STEAP3: variants seen among roughly 807,000 people sequenced by gnomAD.
The protein encoded by STEAP3 is metalloreductase STEAP3.
Under a neutral mutation model 34.9 loss-of-function variants are expected in STEAP3, and 35 were observed. The ratio of observed to expected loss-of-function variants is 1.00; its 90% CI spans 0.76 to 1.33. The LOEUF is 1.33. Ranked by LOEUF, STEAP3 falls within the 40% of genes most tolerant of loss-of-function variation. The probability of loss-of-function intolerance (pLI) is 0.00; values close to 1 mark genes in which losing one functional copy is unlikely to be tolerated. For missense variants in STEAP3, 652 were observed against 667.6 expected (o/e 0.98, Z 0.26); for synonymous variants, 281 against 301.6 (o/e 0.93, Z 0.71).
intron 2 of STEAP3, among the ~76,000 whole-genome samples, chr2:119,239,655 ACT>A (rs1677188450): frequency 1.3e-5 from 2 of 151,892 alleles, no homozygotes; most frequent in African/African-American, 4.8e-5. Flanking sequence ...TCTTGGGCTC[ACT>A]CTCAATTCGT....
At chr2:119,248,308 C>T in intron 4 of STEAP3, 102 bp downstream of exon 4, 1 of 1,354,166 alleles carries the variant, frequency 7.4e-7, no homozygotes, top group Non-Finnish European at 9.9e-7. Context: ...ACGGGTGCAG[C>T]CTTACCAGGT....
intron 2 of STEAP3, among the ~76,000 whole-genome samples, chr2:119,242,497 G>A (rs932073265): frequency 1.3e-5 from 2 of 152,188 alleles, no homozygotes; most frequent in Admixed American, 6.5e-5. Context: ...CTCCTGGGCT[G>A]ACATAACTGT....
chr2:119,248,135 GC>G lies in STEAP3; in HGVS notation c.982del (p.Leu328SerfsTer59). The G allele has an allele frequency of 6.2e-7, 1 of 1,608,102 alleles. No homozygotes were observed. On this transcript the variant is annotated frameshift_variant, in exon 4 of 6. Coordinates refer to ENST00000393110, the MANE Select transcript of STEAP3 (RefSeq NM_182915.3). LOFTEE classifies it high-confidence loss of function. ...CAGCTTCTTCTGCGCCGCCCTGCACGCCCTCTACAGCTTCTGCTTGCCGCTG... is the reference window on the plus strand; with the variant it reads ...CAGCTTCTTCTGCGCCGCCCTGCACGCCTCTACAGCTTCTGCTTGCCGCTG... ...LLSFFCAALH[A>X]LYSFCLPLRR...
chr2:119,252,465 G>T (rs1677653516), intron 4 of STEAP3, among the ~76,000 whole-genome samples: 1 of 152,240 alleles, frequency 6.6e-6, no homozygotes, highest in Non-Finnish European at 1.5e-5. Context: ...GACATGGAGA[G>T]GGGCTAATGC....
chr2:119,225,366 C>T (rs534588220), intron 1 of STEAP3, among the ~76,000 whole-genome samples: 10 of 152,302 alleles, frequency 6.6e-5, no homozygotes, highest in East Asian at 3.9e-4. Context: ...CCAGGCAATC[C>T]GGCAGCAGGT....
intron 5 of STEAP3, among the ~76,000 whole-genome samples, chr2:119,262,689 T>C (rs1677977988): frequency 6.6e-6 from 1 of 152,222 alleles, no homozygotes; most frequent in South Asian, 2.1e-4. Flanking sequence ...TAAATGTTTT[T>C]TAAACTTCTT....
chr2:119,254,925 G>A, intron 5 of STEAP3, 77 bp downstream of exon 5: 1 of 1,525,688 alleles, frequency 6.6e-7, no homozygotes. Flanking sequence ...CTCTGCCTTT[G>A]AGAACTGCCT....
At chr2:119,253,402 C>G (rs995642716) in intron 4 of STEAP3, among the ~76,000 whole-genome samples, 23 of 152,020 alleles carry the variant, frequency 1.5e-4, no homozygotes, top group African/African-American at 5.1e-4. Flanking sequence ...CTCTTATAAG[C>G]TGTACAACCA....
At chr2:119,224,936 C>G (rs1240017580) in intron 1 of STEAP3, among the ~76,000 whole-genome samples, 1 of 152,184 alleles carries the variant, frequency 6.6e-6, no homozygotes, top group Non-Finnish European at 1.5e-5. Flanking sequence ...CAAGGATACA[C>G]AGCTAGGAAG....
intron 4 of STEAP3, among the ~76,000 whole-genome samples, chr2:119,251,424 T>C (rs1278259370): frequency 3.3e-5 from 5 of 152,150 alleles, no homozygotes; most frequent in African/African-American, 9.7e-5. Flanking sequence ...CAATAACCGA[T>C]ATTTGTACAG....
At chr2:119,234,805 C>T (rs1573543260) in intron 2 of STEAP3, among the ~76,000 whole-genome samples, 1 of 152,194 alleles carries the variant, frequency 6.6e-6, no homozygotes, top group African/African-American at 2.4e-5. Flanking sequence ...GACCCTAGGG[C>T]TTGAGCATGC....
chr2:119,250,660 G>C (rs1677597333), intron 4 of STEAP3, among the ~76,000 whole-genome samples: 1 of 152,068 alleles, frequency 6.6e-6, no homozygotes, highest in African/African-American at 2.4e-5. Flanking sequence ...ACCCCCCAGG[G>C]TAAAAGACAC....
intron 2 of STEAP3, among the ~76,000 whole-genome samples, chr2:119,240,016 C>A (rs838089): frequency 0.34 from 51,607 of 151,286 alleles, 9,912 homozygotes; most frequent in Non-Finnish European, 0.45. Flanking sequence ...TTTTACTGAC[C>A]AGACAAAAAA....
rs151289591 is a variant in STEAP3 at position 119,253,395 on chromosome 2, T to C, written c.1051-1289T>C. Among the ~76,000 whole-genome samples, 51 of 152,314 alleles carry C rather than the reference T, an allele frequency of 3.3e-4. 1 individual carries two copies. The East Asian group carries it at 9.4e-3, about 28-fold the overall frequency. ...TTTCTCTGTTTCTTTAAACTTTCTCTTATAAGCTGTACAACCATTTTGCTC... is the reference window on the plus strand; with the variant it reads ...TTTCTCTGTTTCTTTAAACTTTCTCCTATAAGCTGTACAACCATTTTGCTC... On this transcript the variant is annotated intron_variant, in intron 4 of 5. Transcript: ENST00000393110.
chr2:119,231,074 C>T, intron 2 of STEAP3, 40 bp downstream of exon 2: 3 of 1,613,684 alleles, frequency 1.9e-6, no homozygotes, highest in Middle Eastern at 1.7e-4. Context: ...GGGCATGGGT[C>T]GTGTGCAAAC....
intron 5 of STEAP3, chr2:119,257,762 C>T: frequency 7.4e-7 from 1 of 1,345,496 alleles, no homozygotes; most frequent in Non-Finnish European, 9.5e-7. Flanking sequence ...CCCTCCCCTA[C>T]ACACATGTCC....
chr2:119,261,132 T>C (rs927410568), intron 5 of STEAP3, among the ~76,000 whole-genome samples: 5 of 152,022 alleles, frequency 3.3e-5, no homozygotes, highest in African/African-American at 1.2e-4. Flanking sequence ...GTGTCTGTCC[T>C]GGAGCAGGAA....
At chr2:119,253,729 G>A (rs1458702768) in intron 4 of STEAP3, among the ~76,000 whole-genome samples, 2 of 152,168 alleles carry the variant, frequency 1.3e-5, no homozygotes, top group South Asian at 2.1e-4. Context: ...GTGTTGGCTG[G>A]GCTAGGAGGG....
chr2:119,235,923 C>T, intron 2 of STEAP3, among the ~76,000 whole-genome samples: 1 of 152,184 alleles, frequency 6.6e-6, no homozygotes, highest in East Asian at 1.9e-4. Flanking sequence ...TGCCCAGCCA[C>T]CAGGGCTGTG....
Sources: gnomAD v4.1 joint callset for allele counts (sites outside exome capture counted in the v4.1 genomes callset) on GRCh38, gnomAD v4.1.1 for gene constraint, MANE v1.5 for transcripts, NCBI Gene and HGNC (gene_info 2026-07-23, HGNC 2026-07-21) for gene names.